The following GSE1 variants were observed in gnomAD, a reference collection of about 807,000 sequenced individuals.
GSE1 encodes Gse1 coiled-coil protein.
In GSE1, 32 loss-of-function variants were observed where a neutral mutation model predicts 112.6. The observed-to-expected ratio is 0.28, with a 90% CI of 0.21 to 0.38. The LOEUF is 0.38. GSE1 is among the 10% of genes least tolerant of loss of function. The pLI, the probability that GSE1 is intolerant of heterozygous loss-of-function variation, is 1.00. For synonymous variants in GSE1, 1,115 were observed against 735.6 expected (o/e 1.52, Z -8.35); for missense variants, 2,348 against 1,699.2 (o/e 1.38, Z -6.71).
chr16:85,627,283 C>T (rs1050371908), intron 1 of GSE1, among the ~76,000 whole-genome samples: 8 of 151,562 alleles, frequency 5.3e-5, no homozygotes, highest in Non-Finnish European at 8.8e-5. Flanking sequence ...CTTCATTCTC[C>T]GTTTCCTGCC....
chr16:85,477,049 C>G (rs1022876481), intron 2 of GSE1, among the ~76,000 whole-genome samples: 2 of 151,908 alleles, frequency 1.3e-5, no homozygotes, highest in African/African-American at 4.8e-5. Flanking sequence ...CCTCAGCCTC[C>G]CTAGTAGCTG....
chr16:85,397,739 G>T (rs894729597), intron 2 of GSE1, among the ~76,000 whole-genome samples: 5 of 152,228 alleles, frequency 3.3e-5, no homozygotes, highest in African/African-American at 4.8e-5. Context: ...CTTCCCTGGG[G>T]ACTGGTGGCC....
intron 1 of GSE1, among the ~76,000 whole-genome samples, chr16:85,563,034 C>T (rs932631424): frequency 1.3e-5 from 2 of 152,202 alleles, no homozygotes; most frequent in Non-Finnish European, 2.9e-5. Flanking sequence ...AGATCCTTGT[C>T]CCTGTCTGGG....
intron 11 of GSE1, 119 bp from the exon 12 acceptor site, chr16:85,664,896 T>C (rs1408241038): frequency 1.5e-6 from 1 of 673,374 alleles, no homozygotes; most frequent in South Asian, 1.7e-5. Flanking sequence ...CACACCTGCT[T>C]TTGGTTTTTC....
Position 85,410,501 on chromosome 16 carries a change from C to CT in GSE1, c.2464+52858_2464+52859insT, listed in dbSNP as rs770692389. Among the ~76,000 whole-genome samples, 21 of 4,768 alleles carry CT rather than the reference C, an allele frequency of 4.4e-3. 7 individuals carry two copies. Among genetic ancestry groups the CT allele is most frequent in the Non-Finnish European group, 7.6e-3 (11 of 1,440 alleles). The allele number at this position is 4,768 out of a possible 152,430, so 3.1% of individuals were successfully genotyped here. On this transcript the variant is annotated intron_variant, in intron 2 of 2. Coordinates refer to the GSE1 transcript ENST00000637419. The stretch of plus-strand genomic sequence containing the variant: ...GCTCACTGTTACACTCAGGGCCCCC[C>CT]GGATAATCCTCACTGTTACTCTTAG...
chr16:85,280,426 C>G (rs1246139156), intron 1 of GSE1, among the ~76,000 whole-genome samples: 1 of 152,174 alleles, frequency 6.6e-6, no homozygotes, highest in Non-Finnish European at 1.5e-5. Context: ...GGCAGAGTCT[C>G]TCTCTGTTGC....
At chr16:85,344,841 A>G (rs7187230) in intron 1 of GSE1, among the ~76,000 whole-genome samples, 75,339 of 151,988 alleles carry the variant, frequency 0.5, 18,765 homozygotes, top group East Asian at 0.61. Flanking sequence ...CCGGTGGTGT[A>G]GACAAGCTGG....
chr16:85,497,220 C>A (rs1380809491), intron 2 of GSE1, among the ~76,000 whole-genome samples: 1 of 152,218 alleles, frequency 6.6e-6, no homozygotes, highest in Non-Finnish European at 1.5e-5. Context: ...CTTTCTGGTC[C>A]CACTGAAGCT....
At position 85,311,852 on chromosome 16, in the gene GSE1, T is replaced by C. The variant is rs2045857202; in HGVS notation, c.2284-45611T>C. On this transcript the variant is annotated intron_variant, in intron 1 of 2. Transcript: ENST00000637419. The surrounding 1 kb of genome is among the most constrained non-coding windows in gnomAD (Gnocchi z 4.2). ...ACCTGTGGCCCCAGCCGCGAGTCCT[T>C]CTCACCCCAGACCCCAGCGTCTGTG... Among the ~76,000 whole-genome samples the C allele has an allele frequency of 1.3e-5, 2 of 152,152 alleles. No homozygotes were observed. Among genetic ancestry groups the C allele is most frequent in the African/African-American group, 4.8e-5 (2 of 41,434 alleles).
chr16:85,524,657 C>T (rs1241178995), intron 2 of GSE1, among the ~76,000 whole-genome samples: 2 of 152,144 alleles, frequency 1.3e-5, no homozygotes, highest in African/African-American at 2.4e-5. Flanking sequence ...GTACACTGTC[C>T]TGACCTGTTT....
rs775639233 is a variant in GSE1 at position 85,668,429 on chromosome 16, G to C, written c.3415+5G>C. ...CTTACCAGGAACACATAGAAGGTAA[G>C]GGGGTGCTGGGGAAGAGGGGGGAGG... On this transcript the variant is annotated splice_donor_5th_base_variant and intron_variant, in intron 14 of 15. Transcript: ENST00000253458. 13 of 1,582,698 alleles carry C rather than the reference G, an allele frequency of 8.2e-6. No homozygotes were observed. The highest frequency in any genetic ancestry group is 1.3e-5 in the African/African-American group (1 of 74,508).
At chr16:85,172,250 C>T (rs577076504) in intron 1 of GSE1, among the ~76,000 whole-genome samples, 1 of 152,216 alleles carries the variant, frequency 6.6e-6, no homozygotes, top group Non-Finnish European at 1.5e-5. Context: ...AGTTCCTCTC[C>T]GTTCTAGCTC....
At chr16:85,332,183 G>A (rs1049157561) in intron 1 of GSE1, among the ~76,000 whole-genome samples, 11 of 152,234 alleles carry the variant, frequency 7.2e-5, no homozygotes, top group Non-Finnish European at 1.5e-4. Context: ...ATATGTAGAG[G>A]TAAAAAGCAC....
intron 1 of GSE1, among the ~76,000 whole-genome samples, chr16:85,204,799 C>G (rs1567608978): frequency 6.6e-6 from 1 of 152,194 alleles, no homozygotes; most frequent in Non-Finnish European, 1.5e-5. Flanking sequence ...CCCTGCTATG[C>G]CAGGCCTGCC....
chr16:85,396,136 G>A (rs1284301815), intron 2 of GSE1, among the ~76,000 whole-genome samples: 1 of 152,162 alleles, frequency 6.6e-6, no homozygotes, highest in East Asian at 1.9e-4. Flanking sequence ...AAACTCACTG[G>A]GACCCCATGA....
chr16:85,527,105 G>A (rs769561808), intron 2 of GSE1, among the ~76,000 whole-genome samples: 1 of 152,196 alleles, frequency 6.6e-6, no homozygotes, highest in African/African-American at 2.4e-5. Context: ...CGTGGACTGC[G>A]CCCCACCTCC....
chr16:85,555,705 GAACGTGAAA>G (rs2045173006), upstream of GSE1: 1 of 923,564 alleles, frequency 1.1e-6, no homozygotes, highest in Non-Finnish European at 1.3e-6. Context: ...TTCTGGTTCT[GAACGTGAAA>G]CCCTGTTGGA....
intron 1 of GSE1, among the ~76,000 whole-genome samples, chr16:85,352,165 C>G (rs2046864019): frequency 6.6e-6 from 1 of 152,180 alleles, no homozygotes; most frequent in African/African-American, 2.4e-5. Flanking sequence ...CCCCCACACC[C>G]TCCTCCCCTG....
At chr16:85,616,224 T>C (rs1328653654) in intron 1 of GSE1, among the ~76,000 whole-genome samples, 2 of 152,234 alleles carry the variant, frequency 1.3e-5, no homozygotes, top group African/African-American at 4.8e-5. Context: ...GAGCAGGTAC[T>C]GTCTGTCCTC....
Sources: allele counts gnomAD v4.1 joint callset (sites outside exome capture counted in the v4.1 genomes callset), GRCh38; gene constraint gnomAD v4.1.1; non-coding constraint Gnocchi (gnomAD v3.1); transcripts MANE v1.5; gene names NCBI Gene and HGNC (gene_info 2026-07-23, HGNC 2026-07-21).